The following XKR9 variants were observed in gnomAD, a reference collection of about 807,000 sequenced individuals.
XKR9 encodes the protein XK-related protein 9.
A neutral mutation model predicts 32.0 loss-of-function variants in XKR9; 32 were observed. The observed-to-expected ratio is 1.00, with a 90% confidence interval of 0.76 to 1.34. The LOEUF (loss-of-function observed/expected upper bound fraction) is 1.34, where lower values mean the gene tolerates loss of function less well. Ranked by LOEUF, XKR9 falls within the 40% of genes most tolerant of loss-of-function variation. The pLI is 0.00. For synonymous variants in XKR9, 168 were observed against 143.4 expected (o/e 1.17, Z -1.22); for missense variants, 546 against 429.7 (o/e 1.27, Z -2.39).
At chr8:70,765,797 G>A (rs1051398261) in intron 2 of XKR9, among the ~76,000 whole-genome samples, 6 of 152,116 alleles carry the variant, frequency 3.9e-5, no homozygotes, top group Non-Finnish European at 7.4e-5. Flanking sequence ...GTGTAAGGAA[G>A]GGGTCCAGTT....
At chr8:70,831,389 A>T in the XKR9 span, among the ~76,000 whole-genome samples, 1 of 151,998 alleles carries the variant, frequency 6.6e-6, no homozygotes, top group East Asian at 1.9e-4. Context: ...AGGAAATAGC[A>T]TTTGTTGAGG....
the XKR9 span, among the ~76,000 whole-genome samples, chr8:70,962,680 T>G: frequency 6.6e-6 from 1 of 152,216 alleles, no homozygotes; most frequent in Non-Finnish European, 1.5e-5. Flanking sequence ...CAGTCTCTAG[T>G]CTAAGGAACA....
chr8:70,979,766 C>T, the XKR9 span, among the ~76,000 whole-genome samples: 1 of 152,178 alleles, frequency 6.6e-6, no homozygotes, highest in East Asian at 1.9e-4. Context: ...AAACATTGTG[C>T]TGGGAGAACC....
At chr8:70,970,095 G>T in the XKR9 span, among the ~76,000 whole-genome samples, 2 of 152,164 alleles carry the variant, frequency 1.3e-5, no homozygotes, top group Non-Finnish European at 2.9e-5. Context: ...TTTTATGGCT[G>T]AGTAGTACTC....
At chr8:70,814,981 C>A in the XKR9 span, among the ~76,000 whole-genome samples, 3 of 152,098 alleles carry the variant, frequency 2.0e-5, no homozygotes, top group Non-Finnish European at 4.4e-5. Context: ...TCAAGAAGGC[C>A]ATACTATTTA....
chr8:70,700,182 C>T (rs1014148387), intron 3 of XKR9, among the ~76,000 whole-genome samples: 2 of 152,188 alleles, frequency 1.3e-5, no homozygotes, highest in East Asian at 1.9e-4. Context: ...TCTCTCAACT[C>T]GTCAAAGTCA....
the XKR9 span, among the ~76,000 whole-genome samples, chr8:71,010,645 G>A: frequency 1.9e-3 from 293 of 152,214 alleles, 1 homozygote; most frequent in African/African-American, 6.4e-3. Flanking sequence ...CATGGACCCC[G>A]ATTCTATTGT....
At chr8:70,729,287 A>G (rs1371872720) in intron 4 of XKR9, among the ~76,000 whole-genome samples, 2 of 152,212 alleles carry the variant, frequency 1.3e-5, no homozygotes, top group Non-Finnish European at 2.9e-5. Flanking sequence ...GTTCATAGGA[A>G]TGTATTTTAC....
intron 2 of XKR9, among the ~76,000 whole-genome samples, chr8:70,785,310 A>T (rs1038096957): frequency 2.0e-5 from 3 of 151,896 alleles, no homozygotes; most frequent in Non-Finnish European, 2.9e-5. Context: ...TATTCATAGT[A>T]GTCTCCTATG....
the XKR9 span, among the ~76,000 whole-genome samples, chr8:70,820,765 G>A: frequency 3.3e-4 from 51 of 152,246 alleles, no homozygotes; most frequent in Middle Eastern, 6.8e-3. Flanking sequence ...ATCAGATATC[G>A]TGAGAACTCG....
At chr8:70,728,352 G>C (rs1806547211) in intron 4 of XKR9, among the ~76,000 whole-genome samples, 1 of 152,234 alleles carries the variant, frequency 6.6e-6, no homozygotes, top group African/African-American at 2.4e-5. Flanking sequence ...GTGGGGGTAG[G>C]TGCTGACCCC....
At chr8:70,835,215 A>G in the XKR9 span, among the ~76,000 whole-genome samples, 1 of 152,090 alleles carries the variant, frequency 6.6e-6, no homozygotes, top group African/African-American at 2.4e-5. Context: ...TGAAAATGAC[A>G]CTTATATAGG....
At chr8:70,693,443 C>A (rs1033203159) in intron 3 of XKR9, among the ~76,000 whole-genome samples, 1 of 152,136 alleles carries the variant, frequency 6.6e-6, no homozygotes, top group Admixed American at 6.5e-5. Context: ...AGCTGTGTTC[C>A]CTGTCAGTGC....
At chr8:70,718,902 A>T (rs1254891098) in intron 4 of XKR9, among the ~76,000 whole-genome samples, 2 of 152,022 alleles carry the variant, frequency 1.3e-5, no homozygotes, top group Non-Finnish European at 2.9e-5. Flanking sequence ...CACACTGTCC[A>T]CAATAGTTGA....
At chr8:70,855,621 A>T in the XKR9 span, among the ~76,000 whole-genome samples, 1 of 152,262 alleles carries the variant, frequency 6.6e-6, no homozygotes, top group Admixed American at 6.5e-5. Flanking sequence ...CAGGAAATAC[A>T]GAGAACACCA....
At chr8:70,844,151 C>G in the XKR9 span, among the ~76,000 whole-genome samples, 4 of 152,200 alleles carry the variant, frequency 2.6e-5, no homozygotes, top group Admixed American at 2.6e-4. Context: ...AAAGTTACCA[C>G]AGACAGCAAC....
chr8:70,746,218 C>T (rs898085214), intron 2 of XKR9, among the ~76,000 whole-genome samples: 6 of 149,586 alleles, frequency 4.0e-5, no homozygotes, highest in South Asian at 2.1e-4. Flanking sequence ...AATTATATTC[C>T]ATAAAGAATA....
the XKR9 span, among the ~76,000 whole-genome samples, chr8:70,971,180 G>A: frequency 1.7e-4 from 26 of 151,878 alleles, no homozygotes; most frequent in Non-Finnish European, 3.1e-4. Context: ...AAGTGGTATC[G>A]CATAGTGGTT....
the XKR9 span, among the ~76,000 whole-genome samples, chr8:70,887,267 G>T: frequency 2.0e-5 from 3 of 152,230 alleles, no homozygotes; most frequent in Middle Eastern, 3.4e-3. Flanking sequence ...CCTCTGTTCT[G>T]TTCCATTGGT....
Sources: allele counts gnomAD v4.1 joint callset (sites outside exome capture counted in the v4.1 genomes callset), GRCh38; gene constraint gnomAD v4.1.1; transcripts MANE v1.5; gene names NCBI Gene and HGNC (gene_info 2026-07-23, HGNC 2026-07-21).